ANKRD6: variants seen among roughly 807,000 people sequenced by gnomAD.
ANKRD6 encodes ankyrin repeat domain-containing protein 6.
ANKRD6 carries 56 observed loss-of-function variants against 82.3 expected under a neutral mutation model. The ratio of observed to expected loss-of-function variants is 0.68; its 90% CI spans 0.55 to 0.85. The LOEUF is 0.85. Ranked by LOEUF, ANKRD6 falls within the 40% of genes least tolerant of loss-of-function variation. The probability of loss-of-function intolerance (pLI) is 0.00; values close to 1 mark genes in which losing one functional copy is unlikely to be tolerated. For synonymous variants in ANKRD6, 347 were observed against 352.1 expected (o/e 0.99, Z 0.16); for missense variants, 852 against 907.6 (o/e 0.94, Z 0.79).
chr6:89,603,980 C>A (rs541583258), intron 4 of ANKRD6, among the ~76,000 whole-genome samples: 1 of 152,098 alleles, frequency 6.6e-6, no homozygotes, highest in Non-Finnish European at 1.5e-5. Flanking sequence ...CCAGCCTGGA[C>A]GACAGAGTGA....
intron 1 of ANKRD6, among the ~76,000 whole-genome samples, chr6:89,520,752 T>C (rs531251397): frequency 2.6e-5 from 4 of 152,232 alleles, no homozygotes; most frequent in African/African-American, 9.6e-5. Flanking sequence ...TTGCTGTTTG[T>C]TTTGTCCTAG....
chr6:89,620,390 G>T (rs932543954), intron 9 of ANKRD6, among the ~76,000 whole-genome samples: 2 of 152,146 alleles, frequency 1.3e-5, no homozygotes, highest in Non-Finnish European at 2.9e-5. Flanking sequence ...GTTCACGAAC[G>T]CTCTGAAAGT....
intron 5 of ANKRD6, among the ~76,000 whole-genome samples, chr6:89,609,302 CT>C (rs1288545302): frequency 4.0e-5 from 6 of 149,940 alleles, no homozygotes; most frequent in Admixed American, 6.7e-5. Context: ...TGTGTAATCA[CT>C]TTTTTTTTTC....
chr6:89,545,912 C>G (rs9451240), intron 1 of ANKRD6, among the ~76,000 whole-genome samples: 156 of 152,320 alleles, frequency 1.0e-3, no homozygotes, highest in African/African-American at 3.7e-3. Context: ...TCACATCATT[C>G]TCCTGCCTCA....
At chr6:89,587,788 A>G (rs1006340262) in intron 2 of ANKRD6, among the ~76,000 whole-genome samples, 4 of 152,164 alleles carry the variant, frequency 2.6e-5, no homozygotes, top group African/African-American at 7.2e-5. Context: ...CTTGTCAACT[A>G]TTGTCTGATT....
At chr6:89,530,684 G>A (rs1783038789) in intron 1 of ANKRD6, among the ~76,000 whole-genome samples, 1 of 152,252 alleles carries the variant, frequency 6.6e-6, no homozygotes, top group Non-Finnish European at 1.5e-5. Context: ...AGGGCCAGCA[G>A]GAAGGGCTCT....
At chr6:89,602,798 G>A (rs1219176901) in intron 3 of ANKRD6, 11 of 512,358 alleles carry the variant, frequency 2.1e-5, no homozygotes, top group East Asian at 1.9e-4. Flanking sequence ...TCTTGCTGTC[G>A]GCTTAAGGTC....
intron 1 of ANKRD6, among the ~76,000 whole-genome samples, chr6:89,476,083 CT>C (rs1156460729): frequency 6.6e-6 from 1 of 152,154 alleles, no homozygotes; most frequent in African/African-American, 2.4e-5. Context: ...TAATGCCACT[CT>C]TGATACATTT....
intron 1 of ANKRD6, among the ~76,000 whole-genome samples, chr6:89,543,650 G>A (rs116095285): frequency 0.011 from 1,602 of 152,288 alleles, 45 homozygotes; most frequent in African/African-American, 0.036. Flanking sequence ...TGAACTGTGC[G>A]TGTGGGTATT....
At chr6:89,439,950 G>A (rs565744031) in intron 1 of ANKRD6, among the ~76,000 whole-genome samples, 2 of 152,242 alleles carry the variant, frequency 1.3e-5, no homozygotes, top group South Asian at 4.1e-4. Flanking sequence ...GCCCACCTTG[G>A]CCTCCCAAAG....
chr6:89,554,753 A>C (rs1786337541), intron 1 of ANKRD6, among the ~76,000 whole-genome samples: 2 of 152,210 alleles, frequency 1.3e-5, no homozygotes, highest in African/African-American at 2.4e-5. Flanking sequence ...TCAGAGTCTG[A>C]GAGGAAAGAC....
chr6:89,544,257 G>A (rs995525836), intron 1 of ANKRD6, among the ~76,000 whole-genome samples: 7 of 152,166 alleles, frequency 4.6e-5, no homozygotes, highest in Middle Eastern at 3.2e-3. Flanking sequence ...TGCTCAGGCC[G>A]CAAGGAGCCA....
intron 1 of ANKRD6, among the ~76,000 whole-genome samples, chr6:89,561,856 T>C (rs1787472836): frequency 6.6e-6 from 1 of 152,216 alleles, no homozygotes; most frequent in Non-Finnish European, 1.5e-5. Context: ...AGTCTCCAGC[T>C]ATTCTCCTGC....
At chr6:89,625,503 G>A (rs2128268248) in intron 13 of ANKRD6, among the ~76,000 whole-genome samples, 1 of 152,212 alleles carries the variant, frequency 6.6e-6, no homozygotes, top group Non-Finnish European at 1.5e-5. Flanking sequence ...TAGTCAGCCA[G>A]TTAATATGTT....
intron 1 of ANKRD6, among the ~76,000 whole-genome samples, chr6:89,456,614 T>G (rs950692793): frequency 6.6e-6 from 1 of 152,144 alleles, no homozygotes; most frequent in Non-Finnish European, 1.5e-5. Flanking sequence ...CATTCTGAGG[T>G]ATTGGGAGAG....
intron 1 of ANKRD6, chr6:89,561,620 C>G (rs990304756): frequency 6.6e-6 from 1 of 152,218 alleles, no homozygotes; most frequent in Non-Finnish European, 1.5e-5. Context: ...GGTCCCTGAT[C>G]GTGGCTTTTC....
intron 1 of ANKRD6, among the ~76,000 whole-genome samples, chr6:89,474,901 C>G (rs1471590532): frequency 6.6e-6 from 1 of 152,154 alleles, no homozygotes; most frequent in Admixed American, 6.5e-5. Context: ...GTAGTGGATT[C>G]TTGGTACGGT....
At chr6:89,550,342 T>A (rs1035624156) in intron 1 of ANKRD6, among the ~76,000 whole-genome samples, 8 of 152,116 alleles carry the variant, frequency 5.3e-5, no homozygotes, top group Non-Finnish European at 1.5e-5. Context: ...ATAATAGAAC[T>A]CTATACAGCA....
intron 1 of ANKRD6, among the ~76,000 whole-genome samples, chr6:89,529,315 A>G (rs925097821): frequency 5.9e-5 from 9 of 152,258 alleles, no homozygotes; most frequent in Non-Finnish European, 8.8e-5. Context: ...ACTTTTAGTT[A>G]TGAAAGATGA....
Sources: gnomAD v4.1 joint callset for allele counts (sites outside exome capture counted in the v4.1 genomes callset) on GRCh38, gnomAD v4.1.1 for gene constraint, MANE v1.5 for transcripts, NCBI Gene and HGNC (gene_info 2026-07-23, HGNC 2026-07-21) for gene names.